Variants in DPY19L1 observed in about 807,000 individuals in gnomAD.
DPY19L1 encodes the protein protein C-mannosyl-transferase DPY19L1.
DPY19L1 carries 35 observed loss-of-function variants against 96.9 expected under a neutral mutation model. The observed-to-expected ratio is 0.36, with a 90% CI of 0.28 to 0.48. The LOEUF (loss-of-function observed/expected upper bound fraction) is 0.48, where lower values mean the gene tolerates loss of function less well. Ranked by LOEUF, DPY19L1 falls within the 20% of genes least tolerant of loss-of-function variation. The probability of loss-of-function intolerance (pLI) is 0.99; values close to 1 mark genes in which losing one functional copy is unlikely to be tolerated. For synonymous variants in DPY19L1, 205 were observed against 252.6 expected (o/e 0.81, Z 1.79); for missense variants, 521 against 777.9 (o/e 0.67, Z 3.93).
In DPY19L1 at chr7:35,025,703, T is replaced by C. The variant is rs1290730451; in HGVS notation, c.299-7107A>G. Among the ~76,000 whole-genome samples the C allele has an allele frequency of 2.6e-5, 4 of 152,338 alleles. No homozygotes were observed. In the South Asian group the frequency reaches 6.2e-4, roughly 24 times the overall value. ...ATTTACTGAAGGTCCACTCATTATA[T>C]ACACAGTACATCAGGCTTTCAGCAC... On this transcript the variant is annotated intron_variant, in intron 1 of 21. Transcript: ENST00000638088.
chr7:34,958,237 C>T (rs1434977881), intron 10 of DPY19L1, among the ~76,000 whole-genome samples, 167 bp from the exon 11 acceptor site: 2 of 152,100 alleles, frequency 1.3e-5, no homozygotes, highest in Non-Finnish European at 2.9e-5. Context: ...CAGAGATAAC[C>T]ATCATCAACA....
chr7:34,957,376 A>T (rs1257684198), intron 11 of DPY19L1, among the ~76,000 whole-genome samples: 7 of 152,014 alleles, frequency 4.6e-5, no homozygotes, highest in African/African-American at 7.2e-5. Context: ...ACTCCACCTT[A>T]AAAAAACAAA....
intron 9 of DPY19L1, among the ~76,000 whole-genome samples, chr7:34,968,768 CAAAAAAAAAAAAAA>C (rs35977506): frequency 1.0e-3 from 9 of 8,888 alleles, no homozygotes; most frequent in African/African-American, 2.8e-3. Context: ...GACTCCATCG[CAAAAAAAAAAAAAA>C]AAAAAAAAAA....
intron 6 of DPY19L1, among the ~76,000 whole-genome samples, chr7:34,996,669 A>T (rs1466455276): frequency 1.3e-5 from 2 of 151,868 alleles, no homozygotes; most frequent in African/African-American, 2.4e-5. Context: ...CAATGAATGG[A>T]CCCAATCCCA....
At chr7:34,984,049 T>C (rs1253880015) in intron 7 of DPY19L1, among the ~76,000 whole-genome samples, 1 of 152,188 alleles carries the variant, frequency 6.6e-6, no homozygotes, top group African/African-American at 2.4e-5. Flanking sequence ...ATAGCATCTT[T>C]AAAGTGCTGA....
chr7:34,991,238 G>T (rs1359458045), intron 6 of DPY19L1, among the ~76,000 whole-genome samples: 1 of 152,202 alleles, frequency 6.6e-6, no homozygotes, highest in African/African-American at 2.4e-5. Context: ...GGTAACTGGG[G>T]AAAACACAGT....
chr7:34,970,719 G>T (rs1449060918), intron 8 of DPY19L1, among the ~76,000 whole-genome samples: 15 of 151,952 alleles, frequency 9.9e-5, no homozygotes, highest in Non-Finnish European at 1.3e-4. Flanking sequence ...ATACCAATCT[G>T]GCAGTTGGAT....
intron 6 of DPY19L1, among the ~76,000 whole-genome samples, chr7:34,992,020 T>C (rs1785179536): frequency 6.6e-6 from 1 of 152,182 alleles, no homozygotes; most frequent in South Asian, 2.1e-4. Context: ...GCTGGCACGT[T>C]TGTTTCGGCA....
chr7:34,933,342 C>T (rs534996419), intron 21 of DPY19L1, among the ~76,000 whole-genome samples: 3 of 152,312 alleles, frequency 2.0e-5, no homozygotes, highest in South Asian at 2.1e-4. Flanking sequence ...TGCTTCGCAT[C>T]CTGGTAGCTT....
At chr7:35,017,259 C>T (rs1338022560) in intron 3 of DPY19L1, among the ~76,000 whole-genome samples, 3 of 150,754 alleles carry the variant, frequency 2.0e-5, no homozygotes, top group Non-Finnish European at 3.0e-5. Flanking sequence ...TTTGGGAGGC[C>T]GAGGCGGGTG....
chr7:34,940,107 A>G, intron 19 of DPY19L1, 46 bp downstream of exon 19: 3 of 1,436,096 alleles, frequency 2.1e-6, no homozygotes, highest in Non-Finnish European at 2.7e-6. Flanking sequence ...ATTGTGGGAA[A>G]AACAGCTAAA....
At chr7:35,007,743 A>G (rs1417585701) in intron 6 of DPY19L1, among the ~76,000 whole-genome samples, 1 of 152,028 alleles carries the variant, frequency 6.6e-6, no homozygotes, top group Non-Finnish European at 1.5e-5. Flanking sequence ...CCACTGAATC[A>G]ATTTTAAAAC....
chr7:34,991,033 C>T (rs1785155943), intron 6 of DPY19L1, among the ~76,000 whole-genome samples: 1 of 152,148 alleles, frequency 6.6e-6, no homozygotes, highest in Non-Finnish European at 1.5e-5. Flanking sequence ...GGGCTGGGAC[C>T]CCAGCACAGG....
At chr7:34,971,674 G>A (rs966503101) in intron 8 of DPY19L1, among the ~76,000 whole-genome samples, 1 of 152,102 alleles carries the variant, frequency 6.6e-6, no homozygotes, top group African/African-American at 2.4e-5. Context: ...TTAAGACGTG[G>A]GTAAGGCTGA....
chr7:35,025,147 A>G (rs1786092473), intron 1 of DPY19L1, among the ~76,000 whole-genome samples: 1 of 152,156 alleles, frequency 6.6e-6, no homozygotes, highest in Admixed American at 6.5e-5. Context: ...ATTCTTTAGG[A>G]TCCAGCTTGA....
intron 1 of DPY19L1, among the ~76,000 whole-genome samples, chr7:35,035,658 T>A (rs572307396): frequency 1.3e-5 from 2 of 152,340 alleles, no homozygotes; most frequent in East Asian, 3.9e-4. Flanking sequence ...TATCTTCCCA[T>A]GTATCACCCA....
chr7:34,948,917 A>C lies in DPY19L1; in HGVS notation c.1422+880T>G, dbSNP rs528982325. Among the ~76,000 whole-genome samples, 3 of 152,294 alleles carry C rather than the reference A, an allele frequency of 2.0e-5. No homozygotes were observed. In the South Asian group the frequency reaches 6.2e-4, roughly 32 times the overall value. On this transcript the variant is annotated intron_variant, in intron 14 of 21. Coordinates refer to ENST00000638088, the MANE Select transcript of DPY19L1 (RefSeq NM_001366673.1). The stretch of plus-strand genomic sequence containing the variant: ...TCAACTCCAAATGGCCGGTAGATAA[A>C]AGTTTCCTGTGTGGTGCCCTCTCAT...
intron 7 of DPY19L1, among the ~76,000 whole-genome samples, chr7:34,975,649 T>C (rs1236736593): frequency 1.3e-5 from 2 of 152,190 alleles, no homozygotes; most frequent in Non-Finnish European, 2.9e-5. Context: ...TCTAGGACTT[T>C]CCTAGTCAGA....
chr7:34,966,283 C>A lies in DPY19L1; in HGVS notation c.1092+611G>T, dbSNP rs946155539. Among the ~76,000 whole-genome samples the A allele has an allele frequency of 2.0e-5, 3 of 152,060 alleles. No homozygotes were observed. In the East Asian group the frequency reaches 5.8e-4, roughly 29 times the overall value. ...GTATTCCACATGCCTTGACAGTTGA[C>A]GCTCAGTTAATGAACTTTTTTTCTT... On this transcript the variant is annotated intron_variant, in intron 10 of 21. Transcript: ENST00000638088.
Sources: allele counts gnomAD v4.1 joint callset (sites outside exome capture counted in the v4.1 genomes callset), GRCh38; gene constraint gnomAD v4.1.1; transcripts MANE v1.5; gene names NCBI Gene and HGNC (gene_info 2026-07-23, HGNC 2026-07-21).